Variants in KLHL1 observed in about 807,000 individuals in gnomAD.
KLHL1 encodes the protein kelch-like protein 1.
KLHL1 carries 47 observed loss-of-function variants against 77.7 expected under a neutral mutation model. The ratio of observed to expected loss-of-function variants is 0.60; its 90% CI spans 0.48 to 0.77. KLHL1 has a LOEUF of 0.77. KLHL1 is among the 30% of genes least tolerant of loss of function. The pLI is 0.00. For missense variants in KLHL1, 925 were observed against 910.8 expected, an observed-to-expected ratio of 1.02 and a Z score of -0.20; for synonymous variants, 360 against 325.2, an observed-to-expected ratio of 1.11 and a Z score of -1.15.
chr13:70,077,578 C>T (rs1887294819), intron 1 of KLHL1, among the ~76,000 whole-genome samples: 1 of 151,854 alleles, frequency 6.6e-6, no homozygotes, highest in Non-Finnish European at 1.5e-5. Flanking sequence ...AAAGTGCAAA[C>T]CCATAGATTT....
At chr13:69,900,876 T>A (rs905256128) in intron 4 of KLHL1, among the ~76,000 whole-genome samples, 1 of 152,182 alleles carries the variant, frequency 6.6e-6, no homozygotes, top group South Asian at 2.1e-4. Context: ...GAGAAATACA[T>A]CACCTTGCAT....
intron 6 of KLHL1, among the ~76,000 whole-genome samples, chr13:69,836,918 TTAAA>T (rs1879014458): frequency 1.3e-5 from 2 of 151,916 alleles, no homozygotes; most frequent in Non-Finnish European, 2.9e-5. Context: ...ATATATGTGA[TTAAA>T]TACATAAAAA....
chr13:69,999,993 C>A (rs1885247461), intron 1 of KLHL1, among the ~76,000 whole-genome samples: 1 of 151,928 alleles, frequency 6.6e-6, no homozygotes, highest in Non-Finnish European at 1.5e-5. Flanking sequence ...CATGGGGACA[C>A]ATTCCTCATG....
intron 1 of KLHL1, among the ~76,000 whole-genome samples, chr13:69,997,054 C>G (rs1466553527): frequency 1.3e-5 from 2 of 148,864 alleles, no homozygotes; most frequent in African/African-American, 2.5e-5. Context: ...AACCCTGTCT[C>G]TACTAAAAGT....
chr13:69,786,309 T>C (rs1876543010), intron 7 of KLHL1, among the ~76,000 whole-genome samples: 1 of 152,164 alleles, frequency 6.6e-6, no homozygotes. Flanking sequence ...TTATCCACCA[T>C]GATCAAGTGG....
chr13:69,947,655 T>G (rs1883574241), intron 3 of KLHL1, among the ~76,000 whole-genome samples: 1 of 152,116 alleles, frequency 6.6e-6, no homozygotes, highest in East Asian at 1.9e-4. Flanking sequence ...ATTGTTTTTC[T>G]CAAAGAGTTT....
intron 7 of KLHL1, among the ~76,000 whole-genome samples, chr13:69,746,369 T>G (rs1874213710): frequency 6.6e-6 from 1 of 151,892 alleles, no homozygotes; most frequent in African/African-American, 2.4e-5. Context: ...CTGAATTGAT[T>G]GTTAAATATT....
At chr13:69,712,265 T>C (rs1875911459) in intron 9 of KLHL1, among the ~76,000 whole-genome samples, 1 of 152,102 alleles carries the variant, frequency 6.6e-6, no homozygotes, top group African/African-American at 2.4e-5. Flanking sequence ...ACCTCATTTT[T>C]TTTTTTTTAA....
At position 69,751,239 on chromosome 13, in the gene KLHL1, A is replaced by G. The variant is rs78944398; in HGVS notation, c.1640-10683T>C. Reference sequence around the variant, plus strand: ...AAGTTTAGCAGTTTGCTAACTTTCAATTTTATTGTTATGCAACTTGCATTT... The same window carrying G: ...AAGTTTAGCAGTTTGCTAACTTTCAGTTTTATTGTTATGCAACTTGCATTT... On this transcript the variant is annotated intron_variant, in intron 7 of 10. Transcript: ENST00000377844. Among the ~76,000 whole-genome samples the G allele has an allele frequency of 7.6e-3, 1,159 of 151,860 alleles. 16 individuals carry two copies. Among genetic ancestry groups the G allele is most frequent in the African/African-American group, 0.026 (1,078 of 41,438 alleles).
At chr13:69,777,733 T>A (rs547712919) in intron 7 of KLHL1, among the ~76,000 whole-genome samples, 2 of 152,276 alleles carry the variant, frequency 1.3e-5, no homozygotes, top group South Asian at 4.1e-4. Flanking sequence ...TTATCTATTT[T>A]GACTTGAAAC....
chr13:69,976,626 A>G (rs534646669), intron 1 of KLHL1, among the ~76,000 whole-genome samples: 2 of 152,064 alleles, frequency 1.3e-5, no homozygotes, highest in Non-Finnish European at 2.9e-5. Flanking sequence ...ACCTAAAATT[A>G]AATATTAATT....
chr13:69,972,959 A>G (rs1014414495), intron 2 of KLHL1, among the ~76,000 whole-genome samples: 1 of 151,956 alleles, frequency 6.6e-6, no homozygotes, highest in African/African-American at 2.4e-5. Flanking sequence ...AAGGATTTAC[A>G]TTCAAATATT....
At position 70,076,478 on chromosome 13, in the gene KLHL1, G is replaced by A. The variant is rs552498972; in HGVS notation, c.497+30725C>T. Among the ~76,000 whole-genome samples, 29 of 150,344 alleles carry A rather than the reference G, an allele frequency of 1.9e-4. 1 individual carries two copies. Among genetic ancestry groups the A allele is most frequent in the African/African-American group, 6.6e-4 (27 of 40,926 alleles). On this transcript the variant is annotated intron_variant, in intron 1 of 10. Coordinates refer to ENST00000377844, the MANE Select transcript of KLHL1 (RefSeq NM_020866.3). Reference sequence around the variant, plus strand: ...ACTGACTTTACAGTTTTCACAAAAGGGGCATAGACAGACACATACAATGAA... The same window carrying A: ...ACTGACTTTACAGTTTTCACAAAAGAGGCATAGACAGACACATACAATGAA...
intron 7 of KLHL1, among the ~76,000 whole-genome samples, chr13:69,781,960 A>G (rs2138006381): frequency 6.6e-6 from 1 of 152,284 alleles, no homozygotes; most frequent in South Asian, 2.1e-4. Flanking sequence ...AGATTTTTCT[A>G]AAACTTTTAT....
Position 70,057,774 on chromosome 13 carries a change from C to G in KLHL1, c.497+49429G>C, listed in dbSNP as rs1886781561. On this transcript the variant is annotated intron_variant, in intron 1 of 10. Transcript: ENST00000377844. ...GTCCGGCCTGGGCGACAGAGCGAGA[C>G]TCCGTCTCAAAAAAAAAAAAAAAAA... is the stretch of plus-strand genomic sequence containing the variant. Among the ~76,000 whole-genome samples, 3 of 91,692 alleles carry G rather than the reference C, an allele frequency of 3.3e-5. No homozygotes were observed. In the South Asian group the frequency reaches 1.7e-3, roughly 51 times the overall value. The allele number at this position is 91,692 out of a possible 152,430, so 60.2% of individuals were successfully genotyped here.
In KLHL1 at chr13:69,999,139, C is replaced by A. The variant is rs980198520; in HGVS notation, c.498-23337G>T. On this transcript the variant is annotated intron_variant, in intron 1 of 10. Transcript: ENST00000377844. ...GTAATGTAACATATGTATTATGTAG[C>A]ATATGTATATGTATTATGTATTATG... Among the ~76,000 whole-genome samples, 15 of 152,102 alleles carry A rather than the reference C, an allele frequency of 9.9e-5. 1 individual carries two copies. Among genetic ancestry groups the A allele is most frequent in the African/African-American group, 3.6e-4 (15 of 41,506 alleles).
At chr13:69,951,432 C>G (rs1883709254) in intron 3 of KLHL1, among the ~76,000 whole-genome samples, 1 of 151,556 alleles carries the variant, frequency 6.6e-6, no homozygotes, top group Non-Finnish European at 1.5e-5. Flanking sequence ...GAACATGTTT[C>G]TGTAGAACCA....
At chr13:69,952,297 T>G (rs959352641) in intron 3 of KLHL1, among the ~76,000 whole-genome samples, 2 of 151,464 alleles carry the variant, frequency 1.3e-5, no homozygotes, top group Non-Finnish European at 3.0e-5. Context: ...TATTTACGTT[T>G]TTCAGGCATG....
chr13:70,016,005 T>C lies in KLHL1; in HGVS notation c.498-40203A>G, dbSNP rs74434938. Among the ~76,000 whole-genome samples the C allele has an allele frequency of 3.3e-4, 50 of 152,312 alleles. No individual in the cohort carries two copies. The East Asian group carries it at 5.8e-3, about 18-fold the overall frequency. ...TTTATTTAGAGATCAAGAAAAATAATGTATAGAAAGATTAAAGGTTTTATA... is the reference window on the plus strand; with the variant it reads ...TTTATTTAGAGATCAAGAAAAATAACGTATAGAAAGATTAAAGGTTTTATA... On this transcript the variant is annotated intron_variant, in intron 1 of 10. Coordinates refer to ENST00000377844, the MANE Select transcript of KLHL1 (RefSeq NM_020866.3).
Sources: gnomAD v4.1 joint callset for allele counts (sites outside exome capture counted in the v4.1 genomes callset) on GRCh38, gnomAD v4.1.1 for gene constraint, MANE v1.5 for transcripts, NCBI Gene and HGNC (gene_info 2026-07-23, HGNC 2026-07-21) for gene names.